Variants in KCTD8 observed in about 807,000 individuals in gnomAD.
KCTD8 encodes BTB/POZ domain-containing protein KCTD8.
Under a neutral mutation model 31.5 loss-of-function variants are expected in KCTD8, and 27 were observed. That is an observed-to-expected ratio of 0.86 (90% confidence interval 0.63 to 1.18). The LOEUF (loss-of-function observed/expected upper bound fraction) is 1.18, where lower values mean the gene tolerates loss of function less well. Among genes scored for constraint, KCTD8 ranks in the 50% most tolerant of loss-of-function variants. KCTD8 has a pLI of 0.00. For missense variants in KCTD8, 658 were observed against 647.7 expected (o/e 1.02, Z -0.17); for synonymous variants, 290 against 280.0 (o/e 1.04, Z -0.36).
At chr4:44,298,834 T>C (rs1027494267) in intron 1 of KCTD8, among the ~76,000 whole-genome samples, 13 of 152,096 alleles carry the variant, frequency 8.5e-5, no homozygotes, top group Admixed American at 8.5e-4. Context: ...AAGTTAGATA[T>C]AAAATATTGA....
chr4:44,271,450 C>T (rs1257219845), intron 1 of KCTD8, among the ~76,000 whole-genome samples: 1 of 152,114 alleles, frequency 6.6e-6, no homozygotes, highest in Non-Finnish European at 1.5e-5. Flanking sequence ...CTCAATGTCA[C>T]AGTTTACTGA....
chr4:44,364,922 A>G (rs950728049), intron 1 of KCTD8, among the ~76,000 whole-genome samples: 4 of 152,048 alleles, frequency 2.6e-5, no homozygotes. Flanking sequence ...GGGAAGAAGG[A>G]GAGATTAACA....
At chr4:44,197,692 G>A (rs1713989306) in intron 1 of KCTD8, among the ~76,000 whole-genome samples, 1 of 152,074 alleles carries the variant, frequency 6.6e-6, no homozygotes, top group Non-Finnish European at 1.5e-5. Flanking sequence ...ACGGTAAAAG[G>A]AACACCAGCC....
intron 1 of KCTD8, among the ~76,000 whole-genome samples, chr4:44,369,026 C>T (rs1719713357): frequency 6.6e-6 from 1 of 152,078 alleles, no homozygotes; most frequent in African/African-American, 2.4e-5. Flanking sequence ...ACCAGCAACT[C>T]CACTCAAGTA....
chr4:44,304,239 T>C (rs1230466152), intron 1 of KCTD8, among the ~76,000 whole-genome samples: 2 of 152,134 alleles, frequency 1.3e-5, no homozygotes, highest in Non-Finnish European at 2.9e-5. Flanking sequence ...AATAGGTATG[T>C]GGTACACGAA....
chr4:44,299,987 G>A (rs1400579549), intron 1 of KCTD8, among the ~76,000 whole-genome samples: 1 of 151,766 alleles, frequency 6.6e-6, no homozygotes, highest in African/African-American at 2.4e-5. Context: ...TCCTGACCTC[G>A]TGACCACCCG....
chr4:44,444,956 G>A (rs928998035), intron 1 of KCTD8, among the ~76,000 whole-genome samples: 1 of 152,110 alleles, frequency 6.6e-6, no homozygotes, highest in African/African-American at 2.4e-5. Flanking sequence ...CTGAAAAAAA[G>A]GGTGTCAAAG....
intron 1 of KCTD8, among the ~76,000 whole-genome samples, chr4:44,299,994 C>T (rs537978863): frequency 1.3e-5 from 2 of 152,104 alleles, no homozygotes; most frequent in South Asian, 2.1e-4. Context: ...CTCGTGACCA[C>T]CCGCCTCGGC....
intron 1 of KCTD8, among the ~76,000 whole-genome samples, chr4:44,237,240 T>C (rs931845837): frequency 2.0e-5 from 3 of 152,204 alleles, no homozygotes; most frequent in Non-Finnish European, 4.4e-5. Context: ...GCTCCCTTTT[T>C]TTTTTAATAC....
intron 1 of KCTD8, among the ~76,000 whole-genome samples, chr4:44,328,373 C>G (rs1718501263): frequency 6.6e-6 from 1 of 151,878 alleles, no homozygotes. Flanking sequence ...TGTTTCTTCT[C>G]TGACTACAAC....
chr4:44,255,215 A>G (rs1459466907), intron 1 of KCTD8, among the ~76,000 whole-genome samples: 1 of 151,792 alleles, frequency 6.6e-6, no homozygotes, highest in Non-Finnish European at 1.5e-5. Context: ...CCAATATCTC[A>G]ACTTAAGCAG....
At position 44,260,983 on chromosome 4, in the gene KCTD8, A is replaced by G. The variant is rs982623995; in HGVS notation, c.962-85733T>C. ...TAAAAAGATGTAAAAGATGAAAGTA[A>G]CGTAATAAATGTGTGTAAAAGATGA... On this transcript the variant is annotated intron_variant, in intron 1 of 1. Coordinates refer to ENST00000360029, the MANE Select transcript of KCTD8 (RefSeq NM_198353.3). Among the ~76,000 whole-genome samples the G allele has an allele frequency of 2.6e-5, 4 of 152,132 alleles. No homozygotes were observed. In the South Asian group the frequency reaches 8.3e-4, roughly 32 times the overall value.
chr4:44,394,387 C>T lies in KCTD8; in HGVS notation c.961+53176G>A, dbSNP rs185579860. Among the ~76,000 whole-genome samples the T allele has an allele frequency of 8.6e-5, 13 of 151,872 alleles. No homozygotes were observed. The East Asian group carries it at 2.3e-3, about 27-fold the overall frequency. ...AAATCCCATGAACCCAACATAAAAC[C>T]ATAGTATGTCTCAAAGAAAGCTTAA... is the stretch of plus-strand genomic sequence containing the variant. On this transcript the variant is annotated intron_variant, in intron 1 of 1. Coordinates refer to ENST00000360029, the MANE Select transcript of KCTD8 (RefSeq NM_198353.3).
At chr4:44,400,318 T>G (rs1560445585) in intron 1 of KCTD8, among the ~76,000 whole-genome samples, 2 of 152,108 alleles carry the variant, frequency 1.3e-5, no homozygotes, top group African/African-American at 2.4e-5. Flanking sequence ...TTCTCAATGC[T>G]GCAATAAGAT....
chr4:44,442,231 A>G (rs929108771), intron 1 of KCTD8, among the ~76,000 whole-genome samples: 3 of 152,032 alleles, frequency 2.0e-5, no homozygotes, highest in Admixed American at 6.6e-5. Flanking sequence ...GATTTTAAAG[A>G]GTTATTTAAT....
chr4:44,332,856 A>G (rs536133912), intron 1 of KCTD8, among the ~76,000 whole-genome samples: 1 of 152,068 alleles, frequency 6.6e-6, no homozygotes, highest in African/African-American at 2.4e-5. Flanking sequence ...ATGACAGACC[A>G]GAGATTCTCA....
chr4:44,345,955 A>G (rs183065030), intron 1 of KCTD8, among the ~76,000 whole-genome samples: 4 of 150,866 alleles, frequency 2.7e-5, no homozygotes, highest in African/African-American at 9.7e-5. Flanking sequence ...CATACAATGA[A>G]AGAAATACAA....
chr4:44,299,299 T>A (rs1944285175), intron 1 of KCTD8, among the ~76,000 whole-genome samples: 1 of 152,216 alleles, frequency 6.6e-6, no homozygotes, highest in Non-Finnish European at 1.5e-5. Flanking sequence ...AAAGCAGGTA[T>A]GCCATCATAT....
In KCTD8 at chr4:44,345,187, TAA is replaced by T. The variant is rs576539908; in HGVS notation, c.961+102374_961+102375del. ...ACATTTTATTAATTACTAAGAACAATAAGTTAGCCTTTAAGTTTTAATTTACC... is the reference window on the plus strand; with the variant it reads ...ACATTTTATTAATTACTAAGAACAATGTTAGCCTTTAAGTTTTAATTTACC... On this transcript the variant is annotated intron_variant, in intron 1 of 1. Transcript: ENST00000360029. Among the ~76,000 whole-genome samples the T allele has an allele frequency of 2.4e-3, 365 of 152,280 alleles. 2 individuals are homozygous for T. Among genetic ancestry groups the T allele is most frequent in the Middle Eastern group, 0.024 (7 of 294 alleles).
Sources: gnomAD v4.1 joint callset for allele counts (sites outside exome capture counted in the v4.1 genomes callset) on GRCh38, gnomAD v4.1.1 for gene constraint, MANE v1.5 for transcripts, NCBI Gene and HGNC (gene_info 2026-07-23, HGNC 2026-07-21) for gene names.